PTPRQ: variants seen among roughly 807,000 people sequenced by gnomAD.
PTPRQ encodes the protein protein tyrosine phosphatase receptor type Q, also known as phosphatidylinositol phosphatase PTPRQ.
Under a neutral mutation model 246.0 loss-of-function variants are expected in PTPRQ, and 199 were observed. The observed-to-expected ratio is 0.81, with a 90% CI of 0.72 to 0.91. PTPRQ has a LOEUF of 0.91. Among genes scored for constraint, PTPRQ ranks in the 40% least tolerant of loss-of-function variants. The probability of loss-of-function intolerance (pLI) is 0.00; values close to 1 mark genes in which losing one functional copy is unlikely to be tolerated. For missense variants in PTPRQ, 2,624 were observed against 2,528.4 expected, an observed-to-expected ratio of 1.04 and a Z score of -0.81; for synonymous variants, 869 against 853.2, an observed-to-expected ratio of 1.02 and a Z score of -0.32.
intron 14 of PTPRQ, 129 bp from the exon 15 acceptor site, chr12:80,505,895 A>T: frequency 9.2e-7 from 1 of 1,085,634 alleles, no homozygotes; most frequent in Non-Finnish European, 1.3e-6. Context: ...TTCATTCAGG[A>T]TATTTATTAC....
chr12:80,506,356 G>A, intron 15 of PTPRQ, 150 bp downstream of exon 15: 1 of 936,836 alleles, frequency 1.1e-6, no homozygotes, highest in East Asian at 2.7e-5. Context: ...TTTATTGCAG[G>A]TCACATGAAA....
chr12:80,569,122 T>A (rs1171161111), intron 25 of PTPRQ, among the ~76,000 whole-genome samples: 3 of 149,340 alleles, frequency 2.0e-5, no homozygotes, highest in Non-Finnish European at 4.5e-5. Flanking sequence ...ACATTTTGGA[T>A]ACAATTCTTT....
At chr12:80,625,572 C>T (rs959414152) in intron 33 of PTPRQ, among the ~76,000 whole-genome samples, 4 of 152,020 alleles carry the variant, frequency 2.6e-5, no homozygotes, top group Non-Finnish European at 5.9e-5. Context: ...AAAAGAATCA[C>T]CATAGACTGA....
chr12:80,539,541 CT>C (rs1350213449), intron 19 of PTPRQ, among the ~76,000 whole-genome samples: 1 of 151,952 alleles, frequency 6.6e-6, no homozygotes, highest in African/African-American at 2.4e-5. Context: ...AGTTTTTATT[CT>C]TTGCTATTTT....
rs1896162359 is a variant in PTPRQ at position 80,541,803 on chromosome 12, G to A, written c.3403G>A (p.Asp1135Asn). Reference protein sequence around the residue: ...ITPSTEKGFSDTYTAQLYIKT... With the variant: ...ITPSTEKGFSNTYTAQLYIKT... ...TCCATCAACAGAAAAGGGATTCTCT[G>A]ATACCTATACTGCCCAGCTATACAT... Residue 1135 changes from aspartate to asparagine, a missense_variant, in exon 21 of 45, where the codon GAT becomes AAT. Coordinates refer to ENST00000644991, the MANE Select transcript of PTPRQ (RefSeq NM_001145026.2). 1 of 1,550,272 alleles carries A rather than the reference G, an allele frequency of 6.5e-7. No individual in the cohort carries two copies. The highest frequency in any genetic ancestry group is 1.4e-5 in the African/African-American group (1 of 72,950).
At chr12:80,531,452 A>T (rs1324501133) in intron 17 of PTPRQ, among the ~76,000 whole-genome samples, 1 of 152,202 alleles carries the variant, frequency 6.6e-6, no homozygotes, top group African/African-American at 2.4e-5. Context: ...AATTTCCTAC[A>T]TACGAATTTC....
At position 80,613,773 on chromosome 12, in the gene PTPRQ, A is replaced by T; in HGVS notation, c.5100A>T (p.Lys1700Asn). 1 of 1,542,434 alleles carries T rather than the reference A, an allele frequency of 6.5e-7. No homozygotes were observed. Among genetic ancestry groups the T allele is most frequent in the Non-Finnish European group, 8.8e-7 (1 of 1,141,480 alleles). The change falls in exon 29 of 45, where the codon AAA becomes AAT. Residue 1700 changes from lysine (K) to asparagine (N), a missense_variant. Transcript: ENST00000644991. ...VQIHNLSIIQKTNTFVIAMLE... is the reference protein window; with the variant it reads ...VQIHNLSIIQNTNTFVIAMLE... Reference sequence around the variant, plus strand: ...TTCACAACCTCAGTATTATACAGAAAACCAACACATTCGTCATTGCAATGC... The same window carrying T: ...TTCACAACCTCAGTATTATACAGAATACCAACACATTCGTCATTGCAATGC...
At chr12:80,572,996 T>C (rs1459598502) in intron 25 of PTPRQ, among the ~76,000 whole-genome samples, 1 of 152,194 alleles carries the variant, frequency 6.6e-6, no homozygotes, top group Non-Finnish European at 1.5e-5. Flanking sequence ...GATATTTACA[T>C]CAAAGTTATA....
At chr12:80,608,096 GAATGAATAGGGGTACACA>G (rs1898396679) in intron 27 of PTPRQ, among the ~76,000 whole-genome samples, 1 of 150,618 alleles carries the variant, frequency 6.6e-6, no homozygotes, top group Non-Finnish European at 1.5e-5. Context: ...AGGACTTGAC[GAATGAATAGGGGTACACA>G]AGATGGGAAA....
chr12:80,647,437 G>A lies in PTPRQ; in HGVS notation c.5916-1460G>A, dbSNP rs75434049. Among the ~76,000 whole-genome samples the A allele has an allele frequency of 4.3e-3, 654 of 152,220 alleles. 3 individuals carry two copies. Among genetic ancestry groups the A allele is most frequent in the African/African-American group, 0.015 (611 of 41,544 alleles). Reference sequence around the variant, plus strand: ...TATTTCTGAAGAACAAGGTATCATAGGGGCACTGGGCAACAAGTTATCTTA... The same window carrying A: ...TATTTCTGAAGAACAAGGTATCATAAGGGCACTGGGCAACAAGTTATCTTA... On this transcript the variant is annotated intron_variant, in intron 35 of 44. Coordinates refer to ENST00000644991, the MANE Select transcript of PTPRQ (RefSeq NM_001145026.2).
At chr12:80,475,513 T>A (rs1162748910) in intron 8 of PTPRQ, among the ~76,000 whole-genome samples, 1 of 152,092 alleles carries the variant, frequency 6.6e-6, no homozygotes, top group African/African-American at 2.4e-5. Flanking sequence ...GTTGTGTGTT[T>A]GATTTTCTTT....
intron 35 of PTPRQ, among the ~76,000 whole-genome samples, chr12:80,637,624 TG>T (rs1215401298): frequency 1.2e-4 from 18 of 152,238 alleles, no homozygotes; most frequent in African/African-American, 4.3e-4. Context: ...TTAAGTGATT[TG>T]GGCATTAATT....
intron 25 of PTPRQ, among the ~76,000 whole-genome samples, chr12:80,581,840 A>AAG (rs1897449127): frequency 6.6e-6 from 1 of 152,186 alleles, no homozygotes; most frequent in African/African-American, 2.4e-5. Flanking sequence ...AAGGAAATTA[A>AAG]AGAGAGAGAA....
intron 16 of PTPRQ, among the ~76,000 whole-genome samples, chr12:80,507,926 T>C (rs557852443): frequency 1.3e-4 from 20 of 152,180 alleles, no homozygotes; most frequent in African/African-American, 4.6e-4. Flanking sequence ...ATTTTACCAA[T>C]GCCTTTTTGA....
At chr12:80,602,063 T>C (rs1234736509) in intron 26 of PTPRQ, among the ~76,000 whole-genome samples, 3 of 151,744 alleles carry the variant, frequency 2.0e-5, no homozygotes, top group African/African-American at 7.2e-5. Context: ...CCCTGGATGT[T>C]TTCTTGGCAA....
intron 17 of PTPRQ, among the ~76,000 whole-genome samples, chr12:80,530,420 T>C (rs1895811670): frequency 6.6e-6 from 1 of 152,204 alleles, no homozygotes; most frequent in Non-Finnish European, 1.5e-5. Context: ...AGATGCTAAT[T>C]ACATTTTGTT....
chr12:80,594,612 C>T (rs539719002), intron 26 of PTPRQ, among the ~76,000 whole-genome samples: 1 of 152,090 alleles, frequency 6.6e-6, no homozygotes, highest in African/African-American at 2.4e-5. Context: ...CAAGTCTTTT[C>T]CTTTCTGTGT....
chr12:80,549,329 G>C, intron 24 of PTPRQ, 136 bp from the exon 25 acceptor site: 1 of 1,097,426 alleles, frequency 9.1e-7, no homozygotes, highest in African/African-American at 1.6e-5. Context: ...GACTTTTTAA[G>C]CACACATTGA....
At chr12:80,568,020 T>C (rs940029085) in intron 25 of PTPRQ, among the ~76,000 whole-genome samples, 5 of 152,210 alleles carry the variant, frequency 3.3e-5, no homozygotes, top group African/African-American at 4.8e-5. Context: ...ATATGATTAT[T>C]GGCCATTCAT....
Sources: allele counts gnomAD v4.1 joint callset (sites outside exome capture counted in the v4.1 genomes callset), GRCh38; gene constraint gnomAD v4.1.1; transcripts MANE v1.5; gene names NCBI Gene and HGNC (gene_info 2026-07-23, HGNC 2026-07-21).